The following NUDT7 variants were observed in gnomAD, a reference collection of about 807,000 sequenced individuals.
NUDT7 encodes peroxisomal coenzyme A diphosphatase NUDT7.
A neutral mutation model predicts 13.1 loss-of-function variants in NUDT7; 19 were observed. The ratio of observed to expected loss-of-function variants is 1.45; its 90% CI spans 1.01 to 2.13. The LOEUF (loss-of-function observed/expected upper bound fraction) is 2.13. Among genes scored for constraint, NUDT7 ranks in the 30% most tolerant of loss-of-function variants. The pLI is 0.00. For synonymous variants in NUDT7, 132 were observed against 109.7 expected, an observed-to-expected ratio of 1.20 and a Z score of -1.27; for missense variants, 360 against 291.7, an observed-to-expected ratio of 1.23 and a Z score of -1.71.
intron 2 of NUDT7, among the ~76,000 whole-genome samples, chr16:77,735,136 A>T (rs2014437321): frequency 6.6e-6 from 1 of 152,122 alleles, no homozygotes; most frequent in African/African-American, 2.4e-5. Context: ...ATTGCCCCTT[A>T]CATTATTCTT....
intron 2 of NUDT7, among the ~76,000 whole-genome samples, chr16:77,731,148 T>C (rs1456665017): frequency 6.6e-6 from 1 of 152,164 alleles, no homozygotes; most frequent in African/African-American, 2.4e-5. Context: ...TTAAAAATCA[T>C]TGCCCAGCTC....
intron 2 of NUDT7, among the ~76,000 whole-genome samples, chr16:77,731,822 T>C (rs933500584): frequency 2.0e-5 from 3 of 152,012 alleles, no homozygotes; most frequent in African/African-American, 7.3e-5. Flanking sequence ...GTGTTGTATC[T>C]TAGTTTTTAG....
intron 2 of NUDT7, among the ~76,000 whole-genome samples, chr16:77,732,799 C>T (rs919439092): frequency 6.6e-6 from 1 of 151,690 alleles, no homozygotes; most frequent in Non-Finnish European, 1.5e-5. Flanking sequence ...CGTGACTGTA[C>T]ATTTAAAACA....
At chr16:77,723,749 G>A (rs776066980) in intron 1 of NUDT7, among the ~76,000 whole-genome samples, 19 of 151,952 alleles carry the variant, frequency 1.3e-4, no homozygotes, top group Middle Eastern at 3.2e-3. Context: ...GTGCCACGAT[G>A]CCCGGCTAAT....
In NUDT7 at chr16:77,722,535, C is replaced by A. The variant is rs1187896340; in HGVS notation, c.-48C>A. On this transcript the variant is annotated 5_prime_UTR_variant, in exon 1 of 4. Transcript: ENST00000268533. ...AGCTGCTCTGCGCAAGCGCGACCGA[C>A]CGAGCAGCTCCGAGGAGTCCGCCCG... 1.3e-6 allele frequency: 2 copies of A among 1,549,132 alleles called. No individual in the cohort carries two copies. Among genetic ancestry groups the A allele is most frequent in the South Asian group, 1.2e-5 (1 of 84,614 alleles).
At chr16:77,734,351 C>T (rs12446913) in intron 2 of NUDT7, among the ~76,000 whole-genome samples, 53,692 of 151,938 alleles carry the variant, frequency 0.35, 9,875 homozygotes, top group South Asian at 0.51. Context: ...TGGCTGGGTG[C>T]GGTGGCTCAC....
intron 2 of NUDT7, chr16:77,735,568 A>G (rs984685687): frequency 1.8e-6 from 1 of 547,994 alleles, no homozygotes; most frequent in Non-Finnish European, 3.3e-6. Context: ...TATTTATAGC[A>G]GTGCAAGAAC....
chr16:77,728,242 CT>C (rs912269306), intron 2 of NUDT7, among the ~76,000 whole-genome samples: 2 of 151,738 alleles, frequency 1.3e-5, no homozygotes, highest in African/African-American at 4.8e-5. Context: ...ACAAGTTTTT[CT>C]TTTTTTTCAG....
intron 2 of NUDT7, among the ~76,000 whole-genome samples, chr16:77,729,971 C>A (rs868088676): frequency 8.4e-6 from 1 of 118,842 alleles, no homozygotes; most frequent in Non-Finnish European, 1.7e-5. Flanking sequence ...TAACATATTA[C>A]CACACACATT....
chr16:77,741,488 T>C, intron 3 of NUDT7, 94 bp from the exon 4 acceptor site: 1 of 1,316,560 alleles, frequency 7.6e-7, no homozygotes, highest in Non-Finnish European at 1.0e-6. Context: ...AGGTTCGGTG[T>C]ATTTTCTTAG....
chr16:77,726,702 C>T (rs1306416225), intron 2 of NUDT7, among the ~76,000 whole-genome samples: 2 of 152,096 alleles, frequency 1.3e-5, no homozygotes, highest in African/African-American at 4.8e-5. Context: ...GAGGCTGAGG[C>T]AGGAGAAACA....
intron 2 of NUDT7, among the ~76,000 whole-genome samples, chr16:77,729,769 G>T (rs1208976560): frequency 6.6e-6 from 1 of 152,048 alleles, no homozygotes; most frequent in Non-Finnish European, 1.5e-5. Flanking sequence ...AGGTTGCAGT[G>T]AACCGAGATT....
At chr16:77,723,409 T>C (rs926687172) in intron 1 of NUDT7, among the ~76,000 whole-genome samples, 1 of 151,948 alleles carries the variant, frequency 6.6e-6, no homozygotes, top group African/African-American at 2.4e-5. Context: ...AGGCAAAAAA[T>C]AGCAAATACC....
At chr16:77,722,816 C>T (rs7193211) in intron 1 of NUDT7, among the ~76,000 whole-genome samples, 199 bp downstream of exon 1, 6,024 of 152,264 alleles carry the variant, frequency 0.04, 395 homozygotes, top group African/African-American at 0.13. Flanking sequence ...AGGAACAGAG[C>T]CGGCTTAAGC....
chr16:77,738,693 G>A (rs62041744), intron 3 of NUDT7, among the ~76,000 whole-genome samples: 6,358 of 152,180 alleles, frequency 0.042, 205 homozygotes, highest in Non-Finnish European at 0.066. Flanking sequence ...TCCTGCCTCA[G>A]CCTCCAGAGT....
chr16:77,725,299 T>C (rs1236229823), intron 1 of NUDT7, 132 bp from the exon 2 acceptor site: 3 of 742,864 alleles, frequency 4.0e-6, no homozygotes, highest in African/African-American at 1.8e-5. Flanking sequence ...TGTCGTGTTA[T>C]TGAAAAATAC....
chr16:77,726,159 A>G (rs2014129112), intron 2 of NUDT7, among the ~76,000 whole-genome samples: 1 of 152,230 alleles, frequency 6.6e-6, no homozygotes, highest in Non-Finnish European at 1.5e-5. Context: ...CTAGCTGTCC[A>G]CGTTGAATCC....
chr16:77,727,260 C>G (rs2014166855), intron 2 of NUDT7, among the ~76,000 whole-genome samples: 1 of 152,100 alleles, frequency 6.6e-6, no homozygotes, highest in African/African-American at 2.4e-5. Flanking sequence ...GTGAAGCAGT[C>G]ATTTTAAGCT....
chr16:77,736,128 C>T, intron 3 of NUDT7, 142 bp downstream of exon 3: 2 of 765,844 alleles, frequency 2.6e-6, no homozygotes, highest in Non-Finnish European at 2.1e-6. Flanking sequence ...ACAGACATTG[C>T]CCCTCATGAG....
Sources: gnomAD v4.1 joint callset for allele counts (sites outside exome capture counted in the v4.1 genomes callset) on GRCh38, gnomAD v4.1.1 for gene constraint, MANE v1.5 for transcripts, NCBI Gene and HGNC (gene_info 2026-07-23, HGNC 2026-07-21) for gene names.